The following PDE1C variants were observed in gnomAD, a reference collection of about 807,000 sequenced individuals.
PDE1C encodes dual specificity calcium/calmodulin-dependent 3',5'-cyclic nucleotide phosphodiesterase 1C.
PDE1C carries 62 observed loss-of-function variants against 93.1 expected under a neutral mutation model. That is an observed-to-expected ratio of 0.67 (90% CI 0.54 to 0.82). PDE1C has a LOEUF of 0.82. PDE1C is among the 40% of genes least tolerant of loss of function. The pLI, the probability that PDE1C is intolerant of heterozygous loss-of-function variation, is 0.00. For synonymous variants in PDE1C, 325 were observed against 310.1 expected (o/e 1.05, Z -0.50); for missense variants, 742 against 884.6 (o/e 0.84, Z 2.04).
chr7:31,625,483 G>T, the PDE1C span, among the ~76,000 whole-genome samples: 1 of 152,122 alleles, frequency 6.6e-6, no homozygotes, highest in Non-Finnish European at 1.5e-5. Flanking sequence ...GGACATGGAT[G>T]AAATTGGAAA....
intron 3 of PDE1C, among the ~76,000 whole-genome samples, chr7:32,097,556 C>T (rs1797816003): frequency 6.6e-6 from 1 of 152,086 alleles, no homozygotes; most frequent in African/African-American, 2.4e-5. Flanking sequence ...ACTTCATTGC[C>T]GATACTTGGA....
chr7:31,699,825 T>C, the PDE1C span, among the ~76,000 whole-genome samples: 1 of 152,170 alleles, frequency 6.6e-6, no homozygotes, highest in African/African-American at 2.4e-5. Flanking sequence ...TATGGTGATC[T>C]GTGATCAGTG....
chr7:31,997,530 A>AC (rs1784872098), intron 2 of PDE1C, among the ~76,000 whole-genome samples: 1 of 152,248 alleles, frequency 6.6e-6, no homozygotes, highest in African/African-American at 2.4e-5. Flanking sequence ...AGCTTGGAGA[A>AC]CCTGGGGGGA....
chr7:32,271,761 G>T (rs114640458), intron 1 of PDE1C, among the ~76,000 whole-genome samples: 2,002 of 152,312 alleles, frequency 0.013, 52 homozygotes, highest in African/African-American at 0.046. Flanking sequence ...TGGGGCAAAT[G>T]TTTGCAAAGA....
chr7:31,655,973 C>T, the PDE1C span: 3 of 985,316 alleles, frequency 3.0e-6, no homozygotes, highest in Admixed American at 6.2e-5. Context: ...ATTCTATTCC[C>T]CTAAACCACC....
chr7:32,003,617 T>TA (rs1458276485), intron 2 of PDE1C, among the ~76,000 whole-genome samples: 1 of 152,188 alleles, frequency 6.6e-6, no homozygotes, highest in African/African-American at 2.4e-5. Context: ...GCCCATCCAT[T>TA]ATAACAACAT....
intron 2 of PDE1C, among the ~76,000 whole-genome samples, chr7:32,180,513 T>G (rs914960020): frequency 2.6e-5 from 4 of 152,176 alleles, no homozygotes; most frequent in African/African-American, 7.2e-5. Flanking sequence ...CCTTCCATCA[T>G]GTGAGGACAC....
At chr7:32,129,150 A>T (rs1201818357) in intron 3 of PDE1C, among the ~76,000 whole-genome samples, 1 of 151,238 alleles carries the variant, frequency 6.6e-6, no homozygotes, top group Non-Finnish European at 1.5e-5. Flanking sequence ...AACAGAATTG[A>T]CATAAAATAT....
At chr7:32,356,778 G>A (rs779144777) in intron 1 of PDE1C, among the ~76,000 whole-genome samples, 7 of 152,102 alleles carry the variant, frequency 4.6e-5, no homozygotes, top group South Asian at 2.1e-4. Flanking sequence ...TGAATCAGTC[G>A]CATGTGCTTT....
At chr7:31,879,987 C>T (rs540550331) in intron 3 of PDE1C, among the ~76,000 whole-genome samples, 6 of 151,752 alleles carry the variant, frequency 4.0e-5, no homozygotes, top group East Asian at 1.9e-4. Context: ...GCTATGATAT[C>T]GAATTTCCTT....
chr7:31,776,623 C>T (rs772343471), intron 16 of PDE1C, among the ~76,000 whole-genome samples: 6 of 152,020 alleles, frequency 3.9e-5, no homozygotes, highest in Admixed American at 1.3e-4. Context: ...CATATATTTA[C>T]GTATAAATAT....
intron 2 of PDE1C, among the ~76,000 whole-genome samples, chr7:31,971,662 T>C (rs1810980118): frequency 6.6e-6 from 1 of 152,172 alleles, no homozygotes; most frequent in Non-Finnish European, 1.5e-5. Context: ...TTGCCAGAGC[T>C]TCCTCATAGG....
At chr7:32,241,812 G>A (rs1370323845) in intron 1 of PDE1C, among the ~76,000 whole-genome samples, 5 of 152,076 alleles carry the variant, frequency 3.3e-5, no homozygotes, top group East Asian at 1.9e-4. Flanking sequence ...CTCAGCCACC[G>A]CCTATCTGCT....
In PDE1C at chr7:31,847,055, T is replaced by C. The variant is rs555862439; in HGVS notation, c.980+913A>G. Among the ~76,000 whole-genome samples, 3 of 152,218 alleles carry C rather than the reference T, an allele frequency of 2.0e-5. No homozygotes were observed. In the East Asian group the frequency reaches 5.8e-4, roughly 29 times the overall value. ...TGAGGACTATTTGAGTCACAACGGA[T>C]TCAGAGTTTTGTAAGGATTTAGATG... is the stretch of plus-strand genomic sequence containing the variant. On this transcript the variant is annotated intron_variant, in intron 9 of 17. Transcript: ENST00000396191.
At chr7:32,397,703 C>A (rs59379655) in intron 1 of PDE1C, among the ~76,000 whole-genome samples, 6,250 of 152,104 alleles carry the variant, frequency 0.041, 307 homozygotes, top group African/African-American at 0.12. Flanking sequence ...AATTATGGAA[C>A]ATCTGCAACT....
chr7:32,235,255 G>T (rs1481744655), intron 1 of PDE1C, among the ~76,000 whole-genome samples: 1 of 151,954 alleles, frequency 6.6e-6, no homozygotes, highest in Non-Finnish European at 1.5e-5. Flanking sequence ...CATCATATTG[G>T]AAGTCCTAGC....
At chr7:32,154,791 T>C (rs1445854411) in intron 3 of PDE1C, among the ~76,000 whole-genome samples, 1 of 152,204 alleles carries the variant, frequency 6.6e-6, no homozygotes, top group East Asian at 1.9e-4. Context: ...AGACCACAGG[T>C]GTTGCTGGTG....
chr7:31,825,120 T>C (rs771329820), intron 12 of PDE1C, 133 bp from the exon 13 acceptor site: 47 of 1,129,770 alleles, frequency 4.2e-5, no homozygotes, highest in African/African-American at 9.3e-5. Flanking sequence ...ACTGTATGTA[T>C]TCCTTGATTT....
At chr7:31,713,194 A>T in the PDE1C span, among the ~76,000 whole-genome samples, 10 of 152,312 alleles carry the variant, frequency 6.6e-5, no homozygotes, top group East Asian at 1.7e-3. Context: ...TACAATGGGG[A>T]TACAGGTATT....
Sources: allele counts gnomAD v4.1 joint callset (sites outside exome capture counted in the v4.1 genomes callset), GRCh38; gene constraint gnomAD v4.1.1; transcripts MANE v1.5; gene names NCBI Gene and HGNC (gene_info 2026-07-23, HGNC 2026-07-21).